MTPAP: variants seen among roughly 807,000 people sequenced by gnomAD.
MTPAP encodes the protein mitochondrial poly(A) polymerase.
MTPAP carries 23 observed loss-of-function variants against 48.7 expected under a neutral mutation model. The observed-to-expected ratio is 0.47, with a 90% CI of 0.34 to 0.67. The LOEUF (loss-of-function observed/expected upper bound fraction) is 0.67, where lower values mean the gene tolerates loss of function less well. MTPAP is among the 30% of genes least tolerant of loss of function. The probability of loss-of-function intolerance (pLI) is 0.01; values close to 1 mark genes in which losing one functional copy is unlikely to be tolerated. For missense variants in MTPAP, 614 were observed against 694.3 expected, an observed-to-expected ratio of 0.88 and a Z score of 1.30; for synonymous variants, 257 against 254.1, an observed-to-expected ratio of 1.01 and a Z score of -0.11.
chr10:30,324,240 G>A (rs1289771925), intron 5 of MTPAP, among the ~76,000 whole-genome samples: 1 of 152,104 alleles, frequency 6.6e-6, no homozygotes, highest in East Asian at 1.9e-4. Flanking sequence ...TTTATTGGCT[G>A]GGCACTGTGG....
intron 4 of MTPAP, among the ~76,000 whole-genome samples, chr10:30,326,940 T>C (rs1462070787): frequency 6.6e-6 from 1 of 152,186 alleles, no homozygotes; most frequent in Non-Finnish European, 1.5e-5. Flanking sequence ...CATAGAACCA[T>C]TCACCTTATA....
intron 1 of MTPAP, 108 bp downstream of exon 1, chr10:30,349,011 C>T: frequency 6.5e-7 from 1 of 1,533,664 alleles, no homozygotes; most frequent in African/African-American, 1.4e-5. Context: ...CAGCCCCACC[C>T]TCTTGCCAAA....
chr10:30,335,529 C>T (rs1834720766), intron 4 of MTPAP, among the ~76,000 whole-genome samples: 1 of 152,090 alleles, frequency 6.6e-6, no homozygotes, highest in Non-Finnish European at 1.5e-5. Flanking sequence ...CTTTTCAACA[C>T]TGTAATTAAA....
In MTPAP at chr10:30,341,394, CA is replaced by C. The variant is rs1318626408; in HGVS notation, c.330+73del. The C allele has an allele frequency of 2.0e-4, 307 of 1,534,474 alleles. 1 individual carries two copies. Among genetic ancestry groups the C allele is most frequent in the Non-Finnish European group, 1.7e-6 (2 of 1,145,578 alleles). On this transcript the variant is annotated intron_variant, in intron 2 of 8. Coordinates refer to ENST00000263063, the MANE Select transcript of MTPAP (RefSeq NM_018109.4). ...CCTACCATATTGCAAAAAGCAACAGCAAAAAACAACTAATGGAGACCTCCAC... is the reference window on the plus strand; with the variant it reads ...CCTACCATATTGCAAAAAGCAACAGCAAAAACAACTAATGGAGACCTCCAC...
intron 5 of MTPAP, among the ~76,000 whole-genome samples, chr10:30,323,469 A>G (rs986521068): frequency 1.3e-5 from 2 of 151,550 alleles, no homozygotes; most frequent in African/African-American, 4.8e-5. Flanking sequence ...AAAAAAAAAA[A>G]AAAAGAAATA....
At chr10:30,316,342 C>T (rs1228345137) in intron 6 of MTPAP, 132 bp from the exon 7 acceptor site, 2 of 720,920 alleles carry the variant, frequency 2.8e-6, no homozygotes, top group Non-Finnish European at 4.8e-6. Context: ...TCCCAGGTTC[C>T]AGCAATTCTC....
intron 4 of MTPAP, among the ~76,000 whole-genome samples, chr10:30,332,275 C>T (rs903346951): frequency 1.3e-5 from 2 of 152,170 alleles, no homozygotes; most frequent in African/African-American, 2.4e-5. Flanking sequence ...TAAACTGACA[C>T]AGGAAATGCC....
At chr10:30,334,925 G>A (rs564702304) in intron 4 of MTPAP, among the ~76,000 whole-genome samples, 1 of 152,214 alleles carries the variant, frequency 6.6e-6, no homozygotes, top group Admixed American at 6.5e-5. Context: ...AGTTTATAAG[G>A]GACTGTGAAA....
chr10:30,329,297 AG>A (rs1834637141), intron 4 of MTPAP, among the ~76,000 whole-genome samples: 1 of 151,876 alleles, frequency 6.6e-6, no homozygotes, highest in African/African-American at 2.4e-5. Flanking sequence ...GGTGCAACCA[AG>A]CTCACTGCAG....
At position 30,335,225 on chromosome 10, in the gene MTPAP, G is replaced by A. The variant is rs553004394; in HGVS notation, c.780+1578C>T. On this transcript the variant is annotated intron_variant, in intron 4 of 8. Transcript: ENST00000263063. ...GCCTTGGCCGCGTGTGGTGACTCAC[G>A]CCTGTAATCCCAGCACTTTTGGGAG... Among the ~76,000 whole-genome samples, 421 of 152,270 alleles carry A rather than the reference G, an allele frequency of 2.8e-3. 1 individual carries two copies. The highest frequency in any genetic ancestry group is 9.4e-3 in the African/African-American group (391 of 41,554).
rs1840572507 is a variant in MTPAP at position 30,310,021 on chromosome 10, T to G, written c.*3588A>C. On this transcript the variant is annotated 3_prime_UTR_variant, in exon 9 of 9. Transcript: ENST00000263063. ...TGATCTGGGTAGTCTCCTATCAAAA[T>G]TACTTTCACATACTTAGTAAAACTC... 1 of 152,196 alleles carries G rather than the reference T, an allele frequency of 6.6e-6. No individual in the cohort carries two copies. The allele number at this position is 152,196 out of a possible 1,614,324, so 9.4% of individuals were successfully genotyped here. A position where few individuals can be genotyped will look rare whatever the true frequency, so the allele number is the denominator to read the frequency against.
rs562977956 is a variant in MTPAP at position 30,327,583 on chromosome 10, T to A, written c.781-948A>T. 2.5e-4 allele frequency among the ~76,000 whole-genome samples: 38 copies of A among 151,564 alleles called. No homozygotes were observed. In the South Asian group the frequency reaches 6.9e-3, roughly 27 times the overall value. ...TAAATTCCCTGAGCATGGTGGCTCA[T>A]GCCTGCAATCTCAGCACTTTGGGAG... is the stretch of plus-strand genomic sequence containing the variant. On this transcript the variant is annotated intron_variant, in intron 4 of 8. Coordinates refer to ENST00000263063, the MANE Select transcript of MTPAP (RefSeq NM_018109.4).
chr10:30,349,095 T>C, intron 1 of MTPAP, 24 bp downstream of exon 1: 1 of 1,613,520 alleles, frequency 6.2e-7, no homozygotes, highest in Non-Finnish European at 8.5e-7. Flanking sequence ...GGGACGGAAC[T>C]ACAGGGCAAA....
chr10:30,326,274 ATTAC>A, intron 5 of MTPAP, 146 bp downstream of exon 5: 2 of 714,006 alleles, frequency 2.8e-6, no homozygotes, highest in South Asian at 4.0e-5. Context: ...AAGAGAAAAG[ATTAC>A]TTACTTTTCA....
Position 30,341,539 on chromosome 10 carries a change from T to C in MTPAP, c.259A>G (p.Ser87Gly). 1.2e-6 allele frequency: 2 copies of C among 1,614,068 alleles called. No individual in the cohort carries two copies. The highest frequency in any genetic ancestry group is 8.5e-7 in the Non-Finnish European group (1 of 1,179,940). Reference protein sequence around the residue: ...TVLIHCPEKISENKFLKYLSQ... With the variant: ...TVLIHCPEKIGENKFLKYLSQ... Reference sequence around the variant, plus strand: ...AAATATTTAAGAAACTTGTTTTCACTGATTTTCTCTGGGCAATGTATTAAA... The same window carrying C: ...AAATATTTAAGAAACTTGTTTTCACCGATTTTCTCTGGGCAATGTATTAAA... Residue 87 changes from serine to glycine, a missense_variant, in exon 2 of 9, where the codon AGT (serine) becomes GGT (glycine). Ser to Gly is a moderately conservative substitution (Grantham distance 56). Coordinates refer to ENST00000263063, the MANE Select transcript of MTPAP (RefSeq NM_018109.4).
At chr10:30,346,763 G>A (rs1317313825) in intron 1 of MTPAP, among the ~76,000 whole-genome samples, 1 of 152,110 alleles carries the variant, frequency 6.6e-6, no homozygotes, top group Non-Finnish European at 1.5e-5. Context: ...GGTTGTGGTG[G>A]AACTGTCACA....
chr10:30,323,594 C>G (rs1007594388), intron 5 of MTPAP, among the ~76,000 whole-genome samples: 6 of 152,174 alleles, frequency 3.9e-5, no homozygotes, highest in Non-Finnish European at 8.8e-5. Context: ...ACTGCAAGCT[C>G]CGACTCCTGG....
rs36080907 is a variant in MTPAP at position 30,313,536 on chromosome 10, A to C, written c.*73T>G. The C allele has an allele frequency of 1.6e-5, 26 of 1,584,432 alleles. No individual in the cohort carries two copies. Among genetic ancestry groups the C allele is most frequent in the Non-Finnish European group, 2.2e-5 (26 of 1,156,650 alleles). On this transcript the variant is annotated 3_prime_UTR_variant, in exon 9 of 9. Coordinates refer to ENST00000263063, the MANE Select transcript of MTPAP (RefSeq NM_018109.4). Reference sequence around the variant, plus strand: ...AAAGCTGAGATCTGTGAAAGTTTCAAATCAGTTTTTCCAAGTAAGTCCACA... The same window carrying C: ...AAAGCTGAGATCTGTGAAAGTTTCACATCAGTTTTTCCAAGTAAGTCCACA...
rs1834781787 is a variant in MTPAP, at chr10:30,340,146, G to C, written c.555+80C>G. On this transcript the variant is annotated intron_variant, in intron 3 of 8. Coordinates refer to ENST00000263063, the MANE Select transcript of MTPAP (RefSeq NM_018109.4). ...TCTATACCCATTAAACAATAATGTAGCTTGAACATTTTACAGGAATCTTTA... is the reference window on the plus strand; with the variant it reads ...TCTATACCCATTAAACAATAATGTACCTTGAACATTTTACAGGAATCTTTA... The C allele has an allele frequency of 7.7e-6, 9 of 1,175,172 alleles. No homozygotes were observed. In the East Asian group the frequency reaches 1.2e-4, roughly 16 times the overall value. The allele number at this position is 1,175,172 out of a possible 1,614,324, so 72.8% of individuals were successfully genotyped here.
Sources: allele counts gnomAD v4.1 joint callset (sites outside exome capture counted in the v4.1 genomes callset), GRCh38; gene constraint gnomAD v4.1.1; transcripts MANE v1.5; gene names NCBI Gene and HGNC (gene_info 2026-07-23, HGNC 2026-07-21).